SND1: variants seen among roughly 807,000 people sequenced by gnomAD.
The protein encoded by SND1 is staphylococcal nuclease domain-containing protein 1.
A neutral mutation model predicts 121.7 loss-of-function variants in SND1; 38 were observed. The observed-to-expected ratio is 0.31, with a 90% CI of 0.24 to 0.41. The LOEUF (loss-of-function observed/expected upper bound fraction) is 0.41, where lower values mean the gene tolerates loss of function less well. SND1 is among the 10% of genes least tolerant of loss of function. The pLI is 1.00. For synonymous variants in SND1, 401 were observed against 447.4 expected, an observed-to-expected ratio of 0.90 and a Z score of 1.31; for missense variants, 868 against 1,184.6, an observed-to-expected ratio of 0.73 and a Z score of 3.92.
intron 15 of SND1, among the ~76,000 whole-genome samples, chr7:127,948,882 T>G (rs1801394385): frequency 6.6e-6 from 1 of 152,248 alleles, no homozygotes; most frequent in Admixed American, 6.5e-5. Context: ...GATTTATCTT[T>G]GATTTGTCTT....
intron 11 of SND1, among the ~76,000 whole-genome samples, chr7:127,833,942 A>G (rs1798815103): frequency 6.6e-6 from 1 of 152,024 alleles, no homozygotes; most frequent in East Asian, 1.9e-4. Context: ...TTTAAATGGA[A>G]TCACACAGTA....
intron 16 of SND1, among the ~76,000 whole-genome samples, chr7:128,056,365 C>T (rs768975288): frequency 6.6e-6 from 1 of 152,204 alleles, no homozygotes; most frequent in African/African-American, 2.4e-5. Flanking sequence ...TACTATATGC[C>T]ATGGACTGCA....
intron 16 of SND1, among the ~76,000 whole-genome samples, 159 bp downstream of exon 16, chr7:127,991,215 G>A (rs924523578): frequency 6.6e-6 from 1 of 152,130 alleles, no homozygotes; most frequent in Non-Finnish European, 1.5e-5. Context: ...TTCCCTGAGC[G>A]CTGCTTCATT....
intron 16 of SND1, among the ~76,000 whole-genome samples, chr7:128,064,316 T>C (rs148030914): frequency 2.3e-3 from 343 of 152,192 alleles, no homozygotes; most frequent in African/African-American, 7.8e-3. Context: ...GCACTGCCTG[T>C]GATGAGCCAC....
intron 10 of SND1, among the ~76,000 whole-genome samples, chr7:127,807,261 A>G (rs1798253511): frequency 6.6e-6 from 1 of 152,204 alleles, no homozygotes; most frequent in African/African-American, 2.4e-5. Flanking sequence ...AATTACAAAC[A>G]CTTCATTTCT....
intron 1 of SND1, among the ~76,000 whole-genome samples, chr7:127,684,765 A>G (rs1427961936): frequency 1.3e-5 from 2 of 152,156 alleles, no homozygotes; most frequent in African/African-American, 4.8e-5. Flanking sequence ...GATTAGGAAG[A>G]CAGTCTTTTT....
At chr7:127,874,139 C>T (rs936564598) in intron 12 of SND1, among the ~76,000 whole-genome samples, 2 of 152,096 alleles carry the variant, frequency 1.3e-5, no homozygotes, top group Non-Finnish European at 1.5e-5. Flanking sequence ...TTACTCTCCA[C>T]GCAGAAGCAT....
chr7:128,083,324 GCTGT>G (rs1793637191), intron 18 of SND1, among the ~76,000 whole-genome samples: 1 of 152,348 alleles, frequency 6.6e-6, no homozygotes, highest in East Asian at 1.9e-4. Flanking sequence ...TAGGGAGGAA[GCTGT>G]CTGTCAAGGC....
intron 1 of SND1, among the ~76,000 whole-genome samples, chr7:127,656,361 C>T (rs1215847202): frequency 1.4e-5 from 2 of 145,316 alleles, no homozygotes; most frequent in Admixed American, 7.0e-5. Context: ...CTCGCTTTGT[C>T]GCCCAGGCTG....
chr7:127,959,907 A>G (rs564589864), intron 15 of SND1, among the ~76,000 whole-genome samples: 4 of 152,286 alleles, frequency 2.6e-5, no homozygotes, highest in Admixed American at 6.5e-5. Context: ...ATGGAAATCT[A>G]TGTTGTATCA....
At chr7:127,742,875 C>A (rs1251972349) in intron 10 of SND1, among the ~76,000 whole-genome samples, 2 of 152,056 alleles carry the variant, frequency 1.3e-5, no homozygotes, top group Non-Finnish European at 2.9e-5. Flanking sequence ...GTGGTGTGGG[C>A]ATTCAAAGGA....
intron 10 of SND1, among the ~76,000 whole-genome samples, chr7:127,782,992 C>T (rs1797749726): frequency 6.6e-6 from 1 of 152,206 alleles, no homozygotes; most frequent in Non-Finnish European, 1.5e-5. Context: ...GTGATTTCCT[C>T]TTTAATTCAG....
At chr7:128,090,869 T>A (rs1226920011) in intron 22 of SND1, among the ~76,000 whole-genome samples, 2 of 151,862 alleles carry the variant, frequency 1.3e-5, no homozygotes, top group Non-Finnish European at 2.9e-5. Context: ...TCCTAGGAGG[T>A]CAGCTTCAGC....
At chr7:127,977,507 A>G (rs565668515) in intron 15 of SND1, among the ~76,000 whole-genome samples, 51 of 152,344 alleles carry the variant, frequency 3.3e-4, no homozygotes, top group African/African-American at 1.2e-3. Context: ...CAAATAAAAA[A>G]AAAAGAAAAT....
chr7:128,050,784 C>T (rs1793031750), intron 16 of SND1, among the ~76,000 whole-genome samples: 1 of 152,212 alleles, frequency 6.6e-6, no homozygotes, highest in African/African-American at 2.4e-5. Flanking sequence ...AGAAACATTC[C>T]ATACTTATTT....
At chr7:127,949,251 A>G (rs992334229) in intron 15 of SND1, 3 of 152,216 alleles carry the variant, frequency 2.0e-5, no homozygotes, top group African/African-American at 7.2e-5. Flanking sequence ...CTGTTCTTCC[A>G]CCTCAGGCTC....
chr7:127,942,400 G>A (rs762237429), intron 15 of SND1, among the ~76,000 whole-genome samples: 5 of 152,058 alleles, frequency 3.3e-5, no homozygotes, highest in Non-Finnish European at 5.9e-5. Flanking sequence ...CTTGCCAGAT[G>A]GTACAATAGC....
intron 12 of SND1, 68 bp downstream of exon 12, chr7:127,844,492 A>C: frequency 7.9e-7 from 1 of 1,269,842 alleles, no homozygotes; most frequent in East Asian, 2.4e-5. Flanking sequence ...GCTCATTTGA[A>C]TCTTTCCTTC....
rs141112321 is a variant in SND1, at chr7:127,895,588, G to A, written c.1454+7576G>A. Among the ~76,000 whole-genome samples, 369 of 152,228 alleles carry A rather than the reference G, an allele frequency of 2.4e-3. 1 individual carries two copies. The highest frequency in any genetic ancestry group is 8.4e-3 in the African/African-American group (350 of 41,556). ...TCATTATGTGTCTGTGGAGGGTTTC[G>A]CTGTTGGGGAGTAGGGAAGATAAGT... On this transcript the variant is annotated intron_variant, in intron 13 of 23. Transcript: ENST00000354725.
Sources: gnomAD v4.1 joint callset for allele counts (sites outside exome capture counted in the v4.1 genomes callset) on GRCh38, gnomAD v4.1.1 for gene constraint, MANE v1.5 for transcripts, NCBI Gene and HGNC (gene_info 2026-07-23, HGNC 2026-07-21) for gene names.